The following XIRP2 variants were observed in gnomAD, a reference collection of about 807,000 sequenced individuals.
XIRP2 encodes the protein xin actin-binding repeat-containing protein 2.
XIRP2 carries 236 observed loss-of-function variants against 277.0 expected under a neutral mutation model. The ratio of observed to expected loss-of-function variants is 0.85; its 90% CI spans 0.77 to 0.95. The LOEUF is 0.95. XIRP2 is among the 40% of genes least tolerant of loss of function. The pLI is 0.00. For synonymous variants in XIRP2, 1,490 were observed against 1,416.5 expected (o/e 1.05, Z -1.17); for missense variants, 4,640 against 4,157.5 (o/e 1.12, Z -3.19).
Position 167,247,001 on chromosome 2 carries a change from C to T in XIRP2, c.5609C>T (p.Ala1870Val). 4.3e-6 allele frequency: 7 copies of T among 1,613,618 alleles called. No individual in the cohort carries two copies. Among genetic ancestry groups the T allele is most frequent in the Non-Finnish European group, 4.2e-6 (5 of 1,179,720 alleles). ...GAAATTATAAAAGGTAACATGCTAG[C>T]CACACTCAAGTCACTTAAAGAATCA... is the stretch of plus-strand genomic sequence containing the variant. ...TEEIIKGNMLATLKSLKESSH... is the reference protein window; with the variant it reads ...TEEIIKGNMLVTLKSLKESSH... Residue 1870 changes from alanine (A) to valine (V), a missense_variant, in exon 9 of 11, where the codon GCC (alanine) becomes GTC (valine). Physicochemically the swap from Ala to Val is moderately conservative, Grantham distance 64. Coordinates refer to ENST00000409195, the MANE Select transcript of XIRP2 (RefSeq NM_152381.6).
intron 3 of XIRP2, among the ~76,000 whole-genome samples, chr2:167,138,289 A>C (rs1004286000): frequency 6.6e-6 from 1 of 152,216 alleles, no homozygotes; most frequent in Non-Finnish European, 1.5e-5. Context: ...CTGCATATTT[A>C]AAATTTAGTA....
rs1313806661 is a variant in XIRP2 at position 167,246,713 on chromosome 2, A to T, written c.5321A>T (p.Gln1774Leu). Residue 1774 changes from glutamine (Q) to leucine (L), a missense_variant, in exon 9 of 11, where the codon CAA becomes CTA. Coordinates refer to ENST00000409195, the MANE Select transcript of XIRP2 (RefSeq NM_152381.6). ...ESNETLTAKKQEGEKEIIGGD... is the reference protein window; with the variant it reads ...ESNETLTAKKLEGEKEIIGGD... ...AATGAAACACTGACAGCTAAGAAACAAGAAGGAGAGAAAGAAATCATTGGT... is the reference window on the plus strand; with the variant it reads ...AATGAAACACTGACAGCTAAGAAACTAGAAGGAGAGAAAGAAATCATTGGT... 1.9e-5 allele frequency: 31 copies of T among 1,613,644 alleles called. No individual in the cohort carries two copies. Among genetic ancestry groups the T allele is most frequent in the Non-Finnish European group, 2.6e-5 (31 of 1,179,826 alleles).
intron 3 of XIRP2, among the ~76,000 whole-genome samples, chr2:167,161,071 C>A (rs1236664929): frequency 6.6e-6 from 1 of 152,226 alleles, no homozygotes; most frequent in Non-Finnish European, 1.5e-5. Flanking sequence ...TCTCCTTTGA[C>A]TCCCTGTCTC....
intron 2 of XIRP2, among the ~76,000 whole-genome samples, chr2:167,031,408 G>T (rs1227402471): frequency 6.6e-6 from 1 of 152,084 alleles, no homozygotes; most frequent in Middle Eastern, 3.4e-3. Context: ...AAATCTCTTG[G>T]CATTTGCTTG....
chr2:166,995,553 T>C (rs1687198831), intron 2 of XIRP2, among the ~76,000 whole-genome samples: 1 of 152,172 alleles, frequency 6.6e-6, no homozygotes, highest in Non-Finnish European at 1.5e-5. Flanking sequence ...TCTATTGCAA[T>C]TGAGTTTAAA....
In XIRP2 at chr2:167,259,189, ACCTTG is replaced by A; in HGVS notation, c.*1373_*1377del. The stretch of plus-strand genomic sequence containing the variant: ...TAAGGGAATTTGGAAAGGATGTTAA[ACCTTG>A]GCATGTTGAAACAACAGAAGCTGCC... On this transcript the variant is annotated 3_prime_UTR_variant, in exon 11 of 11. Transcript: ENST00000409195. 6.2e-7 allele frequency: 1 copy of A among 1,613,516 alleles called. No individual in the cohort carries two copies. The highest frequency in any genetic ancestry group is 8.5e-7 in the Non-Finnish European group (1 of 1,179,690).
At chr2:166,983,851 C>T (rs1393734348) in intron 2 of XIRP2, among the ~76,000 whole-genome samples, 10 of 152,142 alleles carry the variant, frequency 6.6e-5, no homozygotes, top group African/African-American at 1.2e-4. Context: ...TGCTTTTAAT[C>T]GTGTATGCCA....
chr2:167,156,553 T>G (rs1692203764), intron 3 of XIRP2, among the ~76,000 whole-genome samples: 1 of 152,194 alleles, frequency 6.6e-6, no homozygotes, highest in African/African-American at 2.4e-5. Context: ...TTTCAAATTA[T>G]CAGATGCAAG....
At chr2:167,239,744 T>C (rs79788542) in intron 5 of XIRP2, 111 bp from the exon 6 acceptor site, 28,850 of 883,484 alleles carry the variant, frequency 0.033, 937 homozygotes, top group East Asian at 0.12. Context: ...AAAACTAATA[T>C]ACTAAAGAAT....
intron 10 of XIRP2, among the ~76,000 whole-genome samples, chr2:167,257,426 C>T (rs1433452564): frequency 1.3e-5 from 2 of 152,020 alleles, no homozygotes; most frequent in East Asian, 3.9e-4. Context: ...CTTAAAGAGG[C>T]CACATAAGCA....
intron 2 of XIRP2, among the ~76,000 whole-genome samples, chr2:166,929,269 C>T (rs1685266682): frequency 1.3e-5 from 2 of 152,134 alleles, no homozygotes; most frequent in African/African-American, 4.8e-5. Flanking sequence ...TCCACTTGAA[C>T]ATATCACCTT....
intron 7 of XIRP2, 93 bp from the exon 8 acceptor site, chr2:167,241,684 A>G: frequency 7.1e-7 from 1 of 1,405,688 alleles, no homozygotes; most frequent in Non-Finnish European, 9.5e-7. Context: ...TATTGGGATT[A>G]CAGGAATGAG....
intron 2 of XIRP2, among the ~76,000 whole-genome samples, chr2:167,087,796 C>T (rs547030627): frequency 2.3e-4 from 35 of 152,284 alleles, no homozygotes; most frequent in African/African-American, 7.9e-4. Flanking sequence ...CGCCCTGCTT[C>T]GGCTCGCGCA....
In XIRP2 at chr2:167,210,841, G is replaced by A. The variant is rs1559022216; in HGVS notation, c.669G>A (p.Met223Ile). ...AAGTGGTCTCCCTGAAGGAGCGGAT[G>A]GCGAGGTACCAGGCAGCTGTTTCCA... ...LHEVVSLKER[M>I]ARYQAAVSRG... The change falls in exon 4 of 11, where the codon ATG becomes ATA. Residue 223 changes from methionine (M) to isoleucine (I), a missense_variant. Transcript: ENST00000409195. The A allele has an allele frequency of 1.2e-6, 2 of 1,614,168 alleles. No homozygotes were observed. The highest frequency in any genetic ancestry group is 1.7e-5 in the Admixed American group (1 of 60,024).
At chr2:167,013,659 A>G (rs1687744416) in intron 2 of XIRP2, among the ~76,000 whole-genome samples, 1 of 151,646 alleles carries the variant, frequency 6.6e-6, no homozygotes, top group Non-Finnish European at 1.5e-5. Context: ...TTGTCAAGGG[A>G]CATATTTGTT....
intron 4 of XIRP2, among the ~76,000 whole-genome samples, chr2:167,214,904 GC>G (rs1694198900): frequency 6.6e-6 from 1 of 152,046 alleles, no homozygotes; most frequent in Admixed American, 6.6e-5. Context: ...TAGATGAGAG[GC>G]AACCTGTCCA....
intron 2 of XIRP2, among the ~76,000 whole-genome samples, chr2:167,020,734 TC>T (rs1687960408): frequency 6.6e-6 from 1 of 152,040 alleles, no homozygotes; most frequent in South Asian, 2.1e-4. Context: ...TTTCTAAATG[TC>T]TTAAATGAAA....
At position 167,247,222 on chromosome 2, in the gene XIRP2, G is replaced by A; in HGVS notation, c.5830G>A (p.Val1944Ile). ...RSFKEVHKEGVIKKDAKAVMA... is the reference protein window; with the variant it reads ...RSFKEVHKEGIIKKDAKAVMA... ...TTTCAAAGAGGTACATAAAGAAGGTGTAATAAAAAAAGATGCTAAAGCTGT... is the reference window on the plus strand; with the variant it reads ...TTTCAAAGAGGTACATAAAGAAGGTATAATAAAAAAAGATGCTAAAGCTGT... The change falls in exon 9 of 11, where the codon GTA becomes ATA. Residue 1944 changes from valine to isoleucine, a missense_variant. Coordinates refer to ENST00000409195, the MANE Select transcript of XIRP2 (RefSeq NM_152381.6). The A allele has an allele frequency of 6.2e-7, 1 of 1,613,586 alleles. No individual in the cohort carries two copies. The highest frequency in any genetic ancestry group is 8.5e-7 in the Non-Finnish European group (1 of 1,179,828).
chr2:167,124,368 C>G (rs1691140419), intron 2 of XIRP2: 1 of 152,042 alleles, frequency 6.6e-6, no homozygotes, highest in Non-Finnish European at 1.5e-5. Context: ...TCCTCCTCTC[C>G]CCAGAGGAGT....
Sources: gnomAD v4.1 joint callset for allele counts (sites outside exome capture counted in the v4.1 genomes callset) on GRCh38, gnomAD v4.1.1 for gene constraint, MANE v1.5 for transcripts, NCBI Gene and HGNC (gene_info 2026-07-23, HGNC 2026-07-21) for gene names.